The following BTRC variants were observed in gnomAD, a reference collection of about 807,000 sequenced individuals.
BTRC encodes the protein beta-transducin repeat containing E3 ubiquitin protein ligase, also known as F-box/WD repeat-containing protein 1A.
A neutral mutation model predicts 85.5 loss-of-function variants in BTRC; 42 were observed. The observed-to-expected ratio is 0.49, with a 90% CI of 0.38 to 0.64. BTRC has a LOEUF of 0.64. Among genes scored for constraint, BTRC ranks in the 30% least tolerant of loss-of-function variants. The pLI is 0.00. For synonymous variants in BTRC, 255 were observed against 263.3 expected, an observed-to-expected ratio of 0.97 and a Z score of 0.30; for missense variants, 594 against 743.5, an observed-to-expected ratio of 0.80 and a Z score of 2.34.
At chr10:101,480,749 A>G (rs2134229034) in intron 4 of BTRC, among the ~76,000 whole-genome samples, 1 of 152,348 alleles carries the variant, frequency 6.6e-6, no homozygotes, top group East Asian at 1.9e-4. Flanking sequence ...CATATAAGAA[A>G]TATCAGAATT....
intron 6 of BTRC, among the ~76,000 whole-genome samples, chr10:101,526,941 CT>C (rs1200763494): frequency 6.6e-6 from 1 of 152,174 alleles, no homozygotes; most frequent in Non-Finnish European, 1.5e-5. Flanking sequence ...AGAGACTTCA[CT>C]AATTTTTTTG....
chr10:101,417,010 GT>G lies in BTRC; in HGVS notation c.49-13326del, dbSNP rs5787430. ...AAGAGTTGTAAGTAAAATGCAAATT[GT>G]TTTTTTTTCATAAACCACTTGAGAA... On this transcript the variant is annotated intron_variant, in intron 1 of 14. Transcript: ENST00000370187. 5.3e-5 allele frequency among the ~76,000 whole-genome samples: 8 copies of G among 151,114 alleles called. No homozygotes were observed. The East Asian group carries it at 7.8e-4, about 15-fold the overall frequency.
intron 11 of BTRC, among the ~76,000 whole-genome samples, chr10:101,536,341 A>G (rs1052730165): frequency 1.3e-5 from 2 of 152,238 alleles, no homozygotes; most frequent in African/African-American, 4.8e-5. Context: ...TACATTTTAC[A>G]TTTGAACTTA....
At position 101,545,737 on chromosome 10, in the gene BTRC, C is replaced by T. The variant is rs1428287664; in HGVS notation, c.1657-4962C>T. ...GGAAATTAATTTCTATTTTTTGAGC[C>T]CCCTAGTGTATGCCATACTTTGTTA... On this transcript the variant is annotated intron_variant, in intron 13 of 14. Coordinates refer to ENST00000370187, the MANE Select transcript of BTRC (RefSeq NM_033637.4). Among the ~76,000 whole-genome samples, 4 of 152,086 alleles carry T rather than the reference C, an allele frequency of 2.6e-5. No individual in the cohort carries two copies. In the South Asian group the frequency reaches 6.2e-4, roughly 24 times the overall value.
intron 8 of BTRC, 99 bp from the exon 9 acceptor site, chr10:101,532,853 C>CT: frequency 3.0e-6 from 3 of 991,378 alleles, no homozygotes; most frequent in Non-Finnish European, 4.7e-6. Context: ...CTACTCTGGG[C>CT]TTTGATTATT....
At chr10:101,496,528 G>C (rs527890122) in intron 4 of BTRC, among the ~76,000 whole-genome samples, 1 of 152,214 alleles carries the variant, frequency 6.6e-6, no homozygotes, top group East Asian at 1.9e-4. Context: ...CAGTCCTCTT[G>C]CCTCAGCCTC....
intron 13 of BTRC, among the ~76,000 whole-genome samples, chr10:101,549,750 A>G (rs895029759): frequency 2.7e-5 from 4 of 147,810 alleles, no homozygotes; most frequent in South Asian, 2.2e-4. Context: ...GATGATGATA[A>G]AATTGGAGTG....
At position 101,456,969 on chromosome 10, in the gene BTRC, G is replaced by T. The variant is rs142715313; in HGVS notation, c.157-5012G>T. Among the ~76,000 whole-genome samples the T allele has an allele frequency of 2.4e-4, 36 of 152,228 alleles. No individual in the cohort carries two copies. The East Asian group carries it at 6.6e-3, about 28-fold the overall frequency. ...TATAGTCCCCACTTATTCATAGGGG[G>T]TATGTTCCCCAGTGGATGCCTAAAC... On this transcript the variant is annotated intron_variant, in intron 2 of 14. Transcript: ENST00000370187.
intron 1 of BTRC, among the ~76,000 whole-genome samples, chr10:101,366,476 AG>A (rs1311337833): frequency 6.6e-6 from 1 of 152,076 alleles, no homozygotes; most frequent in African/African-American, 2.4e-5. Context: ...GAGAGGCGAC[AG>A]GAAAAAAAAG....
chr10:101,505,137 A>ATATG (rs1554889414), intron 4 of BTRC, among the ~76,000 whole-genome samples: 1 of 116,934 alleles, frequency 8.6e-6, no homozygotes, highest in Non-Finnish European at 1.8e-5. Flanking sequence ...GTGTATATAT[A>ATATG]TGTATATATA....
At position 101,354,947 on chromosome 10, in the gene BTRC, G is replaced by C. The variant is rs146942703; in HGVS notation, c.48+719G>C. The stretch of plus-strand genomic sequence containing the variant: ...GGAAAAGGGTGTTGACTGTAAGCTA[G>C]AATTACAAATGTCAGGGAGGGGTAC... On this transcript the variant is annotated intron_variant, in intron 1 of 14. Transcript: ENST00000370187. Among the ~76,000 whole-genome samples the C allele has an allele frequency of 4.6e-4, 70 of 152,250 alleles. 1 individual carries two copies. The East Asian group carries it at 0.013, about 28-fold the overall frequency.
chr10:101,407,879 T>A (rs1235345161), intron 1 of BTRC, among the ~76,000 whole-genome samples: 1 of 151,914 alleles, frequency 6.6e-6, no homozygotes. Flanking sequence ...CGTACCACCA[T>A]GCCCAGCTAA....
At chr10:101,358,086 A>G (rs1304324168) in intron 1 of BTRC, among the ~76,000 whole-genome samples, 1 of 152,132 alleles carries the variant, frequency 6.6e-6, no homozygotes, top group Non-Finnish European at 1.5e-5. Context: ...TTGAAAAGAC[A>G]TACTGAGGAG....
chr10:101,481,071 GCCA>G (rs1338246725), intron 4 of BTRC, among the ~76,000 whole-genome samples: 1 of 152,092 alleles, frequency 6.6e-6, no homozygotes, highest in East Asian at 1.9e-4. Flanking sequence ...ATGAGTGCAT[GCCA>G]CCACACCCAG....
At chr10:101,441,656 G>A (rs1275281859) in intron 2 of BTRC, among the ~76,000 whole-genome samples, 1 of 152,044 alleles carries the variant, frequency 6.6e-6, no homozygotes, top group East Asian at 1.9e-4. Flanking sequence ...GAGGCGGGCG[G>A]ATTGCCTGAG....
At chr10:101,548,094 T>C (rs902197985) in intron 13 of BTRC, among the ~76,000 whole-genome samples, 3 of 152,214 alleles carry the variant, frequency 2.0e-5, no homozygotes, top group African/African-American at 7.2e-5. Flanking sequence ...GTAATATCAA[T>C]TTTTGGTGAA....
chr10:101,404,612 CT>C (rs1158420443), intron 1 of BTRC, among the ~76,000 whole-genome samples: 1 of 152,116 alleles, frequency 6.6e-6, no homozygotes, highest in Non-Finnish European at 1.5e-5. Context: ...TTTTGAAAGC[CT>C]TTGCAGTTCT....
intron 1 of BTRC, among the ~76,000 whole-genome samples, chr10:101,369,953 T>C (rs1204232892): frequency 6.6e-6 from 1 of 152,200 alleles, no homozygotes; most frequent in Non-Finnish European, 1.5e-5. Flanking sequence ...CTTGACTTAC[T>C]TAGGCTCCAA....
chr10:101,535,601 T>C, intron 11 of BTRC, 129 bp downstream of exon 11: 1 of 610,314 alleles, frequency 1.6e-6, no homozygotes, highest in South Asian at 3.4e-5. Flanking sequence ...TGTAGCTTCT[T>C]ACAGGTCAGA....
Sources: allele counts gnomAD v4.1 joint callset (sites outside exome capture counted in the v4.1 genomes callset), GRCh38; gene constraint gnomAD v4.1.1; transcripts MANE v1.5; gene names NCBI Gene and HGNC (gene_info 2026-07-23, HGNC 2026-07-21).